Variants in VPS13C observed in about 807,000 individuals in gnomAD.
VPS13C encodes vacuolar protein sorting 13 homolog C, also known as intermembrane lipid transfer protein VPS13C.
VPS13C carries 358 observed loss-of-function variants against 456.8 expected under a neutral mutation model. The observed-to-expected ratio is 0.78, with a 90% CI of 0.72 to 0.86. VPS13C has a LOEUF of 0.86. VPS13C is among the 40% of genes least tolerant of loss of function. The pLI is 0.00. For missense variants in VPS13C, 4,818 were observed against 4,385.4 expected (o/e 1.10, Z -2.79); for synonymous variants, 1,578 against 1,486.7 (o/e 1.06, Z -1.41).
chr15:62,013,832 C>G, intron 10 of VPS13C, 101 bp downstream of exon 10: 1 of 853,064 alleles, frequency 1.2e-6, no homozygotes, highest in East Asian at 2.5e-5. Flanking sequence ...AGACTTTTAA[C>G]TCACACTCCA....
chr15:61,863,255 G>A (rs1027711379), intron 82 of VPS13C, among the ~76,000 whole-genome samples, 185 bp downstream of exon 82: 8 of 151,898 alleles, frequency 5.3e-5, no homozygotes, highest in Non-Finnish European at 7.4e-5. Flanking sequence ...TGAGGAGGTC[G>A]GAAAAGAAAA....
intron 16 of VPS13C, among the ~76,000 whole-genome samples, chr15:61,999,174 T>G (rs998746489): frequency 2.6e-5 from 4 of 151,808 alleles, no homozygotes; most frequent in Admixed American, 2.6e-4. Context: ...AGGTCAGGAG[T>G]TCGAGACCAG....
intron 81 of VPS13C, chr15:61,865,710 A>G (rs1403580006): frequency 7.3e-6 from 3 of 411,260 alleles, no homozygotes; most frequent in African/African-American, 6.6e-5. Flanking sequence ...GTGTATATGT[A>G]TGTGTGTATA....
Position 61,931,137 on chromosome 15 carries a change from T to C in VPS13C, c.5991A>G (p.Thr1997=), listed in dbSNP as rs1402782810. 2.5e-6 allele frequency: 4 copies of C among 1,614,136 alleles called. No homozygotes were observed. The highest frequency in any genetic ancestry group is 1.1e-5 in the South Asian group (1 of 91,080). ...GSMNVSVKLK[T]CTLDDLREGI... Reference sequence around the variant, plus strand: ...CTTCTCTGAGATCATCAAGGGTGCATGTCTTAAGTTTAACGCTGACATTCA... The same window carrying C: ...CTTCTCTGAGATCATCAAGGGTGCACGTCTTAAGTTTAACGCTGACATTCA... The change falls in exon 50 of 85, where the codon ACA becomes ACG. Residue 1997 remains threonine (T), a synonymous_variant. Coordinates refer to ENST00000644861, the MANE Select transcript of VPS13C (RefSeq NM_020821.3).
chr15:62,032,084 A>C (rs764738927), intron 5 of VPS13C, among the ~76,000 whole-genome samples: 15 of 151,916 alleles, frequency 9.9e-5, no homozygotes, highest in African/African-American at 9.6e-5. Context: ...TAATTATGCT[A>C]TATCAATATA....
At chr15:61,978,838 T>C in intron 22 of VPS13C, 89 bp from the exon 23 acceptor site, 1 of 1,353,864 alleles carries the variant, frequency 7.4e-7, no homozygotes, top group South Asian at 1.6e-5. Flanking sequence ...GTCTTGCATT[T>C]AGTTAGTTAA....
At chr15:61,885,752 T>C (rs1896216862) in intron 67 of VPS13C, among the ~76,000 whole-genome samples, 2 of 152,166 alleles carry the variant, frequency 1.3e-5, no homozygotes. Context: ...CACACATATT[T>C]TTCCCATAAT....
intron 1 of VPS13C, among the ~76,000 whole-genome samples, chr15:62,057,039 C>G (rs999920314): frequency 3.3e-5 from 5 of 152,068 alleles, no homozygotes; most frequent in South Asian, 2.1e-4. Context: ...AGCGGTCCCC[C>G]GGGCCCAGCT....
At chr15:61,968,501 A>C (rs913891853) in intron 28 of VPS13C, among the ~76,000 whole-genome samples, 1 of 152,032 alleles carries the variant, frequency 6.6e-6, no homozygotes, top group African/African-American at 2.4e-5. Flanking sequence ...TCAATGCCCC[A>C]CAGGTACCAA....
At chr15:61,970,859 TAAAAAAAAAAA>T (rs71125959) in intron 27 of VPS13C, among the ~76,000 whole-genome samples, 4 of 125,880 alleles carry the variant, frequency 3.2e-5, no homozygotes, top group Admixed American at 1.6e-4. Context: ...GAAGTTAGTT[TAAAAAAAAAAA>T]AAAAAAAAAA....
chr15:61,920,675 T>G, intron 55 of VPS13C, 28 bp from the exon 56 acceptor site: 1 of 1,547,288 alleles, frequency 6.5e-7, no homozygotes, highest in Non-Finnish European at 8.7e-7. Context: ...ACAGCAAATT[T>G]AAATTATTAG....
At chr15:62,040,007 C>A (rs1055033519) in intron 3 of VPS13C, among the ~76,000 whole-genome samples, 4 of 152,106 alleles carry the variant, frequency 2.6e-5, no homozygotes, top group African/African-American at 9.7e-5. Flanking sequence ...TAAATATACA[C>A]AATGGAGTAC....
rs372713464 is a variant in VPS13C, at chr15:61,919,461, C to CAT, written c.7478-14_7478-13dup. On this transcript the variant is annotated splice_polypyrimidine_tract_variant and intron_variant, in intron 57 of 84. Transcript: ENST00000644861. ...ATATCCATGAGGTACTAAGGCAGTGCATAAGTGAAAAGAATTCCAAATATT... is the reference window on the plus strand; with the variant it reads ...ATATCCATGAGGTACTAAGGCAGTGCATATAAGTGAAAAGAATTCCAAATATT... 2.7e-6 allele frequency: 4 copies of CAT among 1,489,356 alleles called. No homozygotes were observed. In the South Asian group the frequency reaches 5.7e-5, roughly 21 times the overall value. 92.3% of individuals were successfully genotyped at this position (1,489,356 alleles called of 1,614,324 possible). A position where few individuals can be genotyped will look rare whatever the true frequency, so the allele number is the denominator to read the frequency against.
At chr15:61,991,119 A>G (rs768732455) in intron 17 of VPS13C, 25 bp from the exon 18 acceptor site, 1 of 1,497,470 alleles carries the variant, frequency 6.7e-7, no homozygotes, top group South Asian at 1.2e-5. Flanking sequence ...CATTTTAAGA[A>G]ATTAATTGCT....
At chr15:62,020,739 A>T (rs1393024244) in intron 8 of VPS13C, among the ~76,000 whole-genome samples, 2 of 152,002 alleles carry the variant, frequency 1.3e-5, no homozygotes, top group Admixed American at 1.3e-4. Flanking sequence ...TATGCTACCA[A>T]TAAGATCCTT....
chr15:62,039,156 C>T (rs568859373), intron 3 of VPS13C, among the ~76,000 whole-genome samples: 2 of 152,114 alleles, frequency 1.3e-5, no homozygotes, highest in East Asian at 3.9e-4. Flanking sequence ...CAGCACTAAC[C>T]ACAATAGCAA....
intron 53 of VPS13C, among the ~76,000 whole-genome samples, chr15:61,924,936 G>A (rs2043795147): frequency 1.3e-5 from 2 of 152,060 alleles, no homozygotes. Flanking sequence ...GAACGCCATT[G>A]GAAAACAATA....
Position 61,867,809 on chromosome 15 carries a change from G to A in VPS13C, c.10863+850C>T. The A allele has an allele frequency of 2.0e-6, 3 of 1,521,140 alleles. No homozygotes were observed. The highest frequency in any genetic ancestry group is 2.6e-6 in the Non-Finnish European group (3 of 1,135,770). The allele number at this position is 1,521,140 out of a possible 1,614,324, so 94.2% of individuals were successfully genotyped here. ...TACTATGAAAAGTTCAGATGGAGGT[G>A]AGAGTTTTAAAGAAAATTTCATTAA... is the stretch of plus-strand genomic sequence containing the variant. On this transcript the variant is annotated intron_variant, in intron 81 of 84. Coordinates refer to ENST00000644861, the MANE Select transcript of VPS13C (RefSeq NM_020821.3). The surrounding 1 kb of genome is among the most constrained non-coding windows in gnomAD (Gnocchi z 5.0).
intron 81 of VPS13C, chr15:61,865,572 A>G: frequency 1.3e-6 from 1 of 792,176 alleles, no homozygotes; most frequent in Non-Finnish European, 1.5e-6. Context: ...ATGTTTGCGT[A>G]TATATGTGTG....
Sources: gnomAD v4.1 joint callset for allele counts (sites outside exome capture counted in the v4.1 genomes callset) on GRCh38, gnomAD v4.1.1 for gene constraint, Gnocchi (gnomAD v3.1) non-coding constraint, MANE v1.5 for transcripts, NCBI Gene and HGNC (gene_info 2026-07-23, HGNC 2026-07-21) for gene names.